Variants in GALNT13 observed in about 807,000 individuals in gnomAD.
The protein encoded by GALNT13 is UDP-GalNAc:polypeptide N-acetylgalactosaminyltransferase 13.
GALNT13 carries 28 observed loss-of-function variants against 64.2 expected under a neutral mutation model. That is an observed-to-expected ratio of 0.44 (90% CI 0.32 to 0.60). The LOEUF is 0.60. GALNT13 is among the 20% of genes least tolerant of loss of function. The pLI, the probability that GALNT13 is intolerant of heterozygous loss-of-function variation, is 0.05. For synonymous variants in GALNT13, 214 were observed against 224.6 expected (o/e 0.95, Z 0.42); for missense variants, 577 against 669.8 (o/e 0.86, Z 1.53).
chr2:153,182,515 C>T, the GALNT13 span, among the ~76,000 whole-genome samples: 1 of 152,084 alleles, frequency 6.6e-6, no homozygotes, highest in African/African-American at 2.4e-5. Context: ...TAAATGTGTT[C>T]CATGGTGGTT....
At chr2:153,874,422 G>A (rs1686215057) in intron 1 of GALNT13, among the ~76,000 whole-genome samples, 1 of 151,840 alleles carries the variant, frequency 6.6e-6, no homozygotes, top group African/African-American at 2.4e-5. Flanking sequence ...CTTAAGTAGG[G>A]GCACTGTGTC....
At chr2:153,771,733 C>T in the GALNT13 span, among the ~76,000 whole-genome samples, 55 of 152,220 alleles carry the variant, frequency 3.6e-4, no homozygotes, top group African/African-American at 1.1e-3. Context: ...AGTCATAAAG[C>T]GGAGAGGACT....
At chr2:153,651,261 T>A in the GALNT13 span, among the ~76,000 whole-genome samples, 1 of 152,186 alleles carries the variant, frequency 6.6e-6, no homozygotes, top group Non-Finnish European at 1.5e-5. Flanking sequence ...GGACCAAAAG[T>A]GAGAATCAAA....
At chr2:153,736,929 C>T in the GALNT13 span, among the ~76,000 whole-genome samples, 1 of 152,236 alleles carries the variant, frequency 6.6e-6, no homozygotes, top group African/African-American at 2.4e-5. Context: ...TTCCATCAAC[C>T]TCTGACATTC....
chr2:153,723,351 T>A, the GALNT13 span, among the ~76,000 whole-genome samples: 53 of 150,854 alleles, frequency 3.5e-4, no homozygotes, highest in African/African-American at 1.2e-3. Context: ...AATATCATAC[T>A]GAATGGGCAA....
At chr2:153,181,322 CTTA>C in the GALNT13 span, among the ~76,000 whole-genome samples, 1 of 149,850 alleles carries the variant, frequency 6.7e-6, no homozygotes, top group Non-Finnish European at 1.5e-5. Context: ...TGACGTTTTA[CTTA>C]TTATTAATTT....
intron 11 of GALNT13, among the ~76,000 whole-genome samples, chr2:154,415,870 C>G (rs903538229): frequency 2.6e-5 from 4 of 152,044 alleles, no homozygotes; most frequent in African/African-American, 9.7e-5. Flanking sequence ...AATTTGGTCC[C>G]TTTTTAGTAG....
chr2:153,331,228 G>GTTT, the GALNT13 span, among the ~76,000 whole-genome samples: 1 of 147,574 alleles, frequency 6.8e-6, no homozygotes, highest in East Asian at 2.0e-4. Context: ...ATTGGCCTAT[G>GTTT]TTTTTTTTTT....
intron 3 of GALNT13, among the ~76,000 whole-genome samples, chr2:154,080,869 A>G (rs1187037604): frequency 6.6e-6 from 1 of 151,656 alleles, no homozygotes; most frequent in African/African-American, 2.4e-5. Context: ...AAAGACTTGT[A>G]TTCAGGATCC....
At chr2:153,771,214 T>TG in the GALNT13 span, among the ~76,000 whole-genome samples, 30 of 152,246 alleles carry the variant, frequency 2.0e-4, 1 homozygote, top group African/African-American at 6.0e-4. Flanking sequence ...CTAATCTGGT[T>TG]GGGGGGCAGA....
At chr2:153,159,431 C>A in the GALNT13 span, 1 of 152,408 alleles carries the variant, frequency 6.6e-6, no homozygotes, top group Non-Finnish European at 1.5e-5. Flanking sequence ...TCACAAGTGC[C>A]ATTACCTTTT....
At chr2:154,230,743 T>C (rs1573921085) in intron 4 of GALNT13, among the ~76,000 whole-genome samples, 2 of 152,220 alleles carry the variant, frequency 1.3e-5, no homozygotes, top group East Asian at 3.9e-4. Context: ...TGAGGTCCAC[T>C]GAAACCCCAG....
chr2:153,929,022 G>A (rs137872444), intron 2 of GALNT13, among the ~76,000 whole-genome samples: 2 of 152,234 alleles, frequency 1.3e-5, no homozygotes, highest in Admixed American at 1.3e-4. Flanking sequence ...AAAACTATCT[G>A]TTAGGAGTTT....
chr2:153,262,256 C>T, the GALNT13 span, among the ~76,000 whole-genome samples: 6 of 152,166 alleles, frequency 3.9e-5, no homozygotes, highest in East Asian at 1.2e-3. Context: ...TGTTCAGGGA[C>T]AAAGGCAGGT....
chr2:154,405,919 G>A (rs1401011912), intron 10 of GALNT13, among the ~76,000 whole-genome samples: 1 of 152,094 alleles, frequency 6.6e-6, no homozygotes, highest in African/African-American at 2.4e-5. Context: ...TTAAGAGGGG[G>A]AAAATCCCAG....
chr2:154,450,046 C>T (rs983983283), intron 12 of GALNT13, among the ~76,000 whole-genome samples: 1 of 152,010 alleles, frequency 6.6e-6, no homozygotes, highest in South Asian at 2.1e-4. Context: ...TACTGAATAA[C>T]ACATGCCTAA....
the GALNT13 span, among the ~76,000 whole-genome samples, chr2:153,819,497 T>C: frequency 6.6e-6 from 1 of 152,156 alleles, no homozygotes; most frequent in East Asian, 1.9e-4. Context: ...CAAGCCACCC[T>C]TGTCAGGGCT....
chr2:153,541,080 T>C, the GALNT13 span, among the ~76,000 whole-genome samples: 1 of 152,108 alleles, frequency 6.6e-6, no homozygotes, highest in African/African-American at 2.4e-5. Flanking sequence ...CCAAATCTTA[T>C]CTTGAATTGT....
At chr2:153,838,532 G>A in the GALNT13 span, among the ~76,000 whole-genome samples, 1 of 151,772 alleles carries the variant, frequency 6.6e-6, no homozygotes, top group Non-Finnish European at 1.5e-5. Flanking sequence ...TCCCCATTGT[G>A]TATTTTTGAT....
Sources: gnomAD v4.1 joint callset for allele counts (sites outside exome capture counted in the v4.1 genomes callset) on GRCh38, gnomAD v4.1.1 for gene constraint, MANE v1.5 for transcripts, NCBI Gene and HGNC (gene_info 2026-07-23, HGNC 2026-07-21) for gene names.